Variants in APOOL observed in about 807,000 individuals in gnomAD.
APOOL encodes apolipoprotein O like.
In APOOL, 12 loss-of-function variants were observed where a neutral mutation model predicts 23.1. The observed-to-expected ratio is 0.52, with a 90% CI of 0.33 to 0.84. The LOEUF is 0.84. Among genes scored for constraint, APOOL ranks in the 40% least tolerant of loss-of-function variants. The pLI, the probability that APOOL is intolerant of heterozygous loss-of-function variation, is 0.02. For synonymous variants in APOOL, 77 were observed against 69.9 expected, an observed-to-expected ratio of 1.10 and a Z score of -0.51; for missense variants, 212 against 199.6, an observed-to-expected ratio of 1.06 and a Z score of -0.37.
intron 1 of APOOL, among the ~76,000 whole-genome samples, chrX:85,011,649 G>C (rs1261092758): frequency 8.9e-6 from 1 of 111,778 alleles, no homozygotes; most frequent in Non-Finnish European, 1.9e-5. Flanking sequence ...TCAATTGGCT[G>C]TAAGTATTTG....
chrX:85,081,001 C>G (rs1924075803), intron 8 of APOOL, among the ~76,000 whole-genome samples: 1 of 110,995 alleles, frequency 9.0e-6, no homozygotes, highest in Admixed American at 9.6e-5. Context: ...CATGTGAGAT[C>G]AGTCTCCTGA....
rs1034311789 is a variant in APOOL at position 85,092,625 on chromosome X, T to C, written c.*4947T>C. 23 of 1,014,955 alleles carry C rather than the reference T, an allele frequency of 2.3e-5. No homozygotes were observed. Among genetic ancestry groups the C allele is most frequent in the Non-Finnish European group, 3.1e-5 (23 of 739,231 alleles). The allele number at this position is 1,014,955 out of a possible 1,213,427, so 83.6% of individuals were successfully genotyped here. On this transcript the variant is annotated 3_prime_UTR_variant, in exon 9 of 9. Transcript: ENST00000373173. ...AAAGTATAATCTTCGTTAACACATA[T>C]ATTTTATTGAAGGTCTACTCTATGC...
chrX:85,060,340 A>C (rs1923160790), intron 5 of APOOL, among the ~76,000 whole-genome samples: 1 of 106,510 alleles, frequency 9.4e-6, no homozygotes, highest in Non-Finnish European at 1.9e-5. Flanking sequence ...CTTTTGGCTT[A>C]GGATTGACTT....
intron 5 of APOOL, among the ~76,000 whole-genome samples, chrX:85,062,960 G>C (rs1923292236): frequency 1.8e-5 from 2 of 111,707 alleles, no homozygotes; most frequent in Admixed American, 1.9e-4. Flanking sequence ...GGGCAACATG[G>C]CCATTTTCAC....
chrX:85,077,032 T>TATACAC (rs1923870979), intron 8 of APOOL, among the ~76,000 whole-genome samples: 3 of 94,673 alleles, frequency 3.2e-5, no homozygotes, highest in African/African-American at 1.2e-4. Flanking sequence ...TATATATGTA[T>TATACAC]GTATATATAT....
intron 1 of APOOL, among the ~76,000 whole-genome samples, chrX:85,036,709 T>G (rs966797625): frequency 9.0e-6 from 1 of 111,524 alleles, no homozygotes; most frequent in Non-Finnish European, 1.9e-5. Flanking sequence ...TTTTAAAATT[T>G]TATTTCAATA....
At chrX:85,064,444 G>A (rs1428811928) in intron 5 of APOOL, among the ~76,000 whole-genome samples, 2 of 107,191 alleles carry the variant, frequency 1.9e-5, no homozygotes, top group Non-Finnish European at 3.9e-5. Flanking sequence ...TTGGCTCTTG[G>A]TTCTCTAGTT....
intron 1 of APOOL, among the ~76,000 whole-genome samples, chrX:85,043,568 G>A (rs921149594): frequency 9.0e-5 from 10 of 111,451 alleles, no homozygotes; most frequent in Non-Finnish European, 7.5e-5. Flanking sequence ...TTAGCCCAGA[G>A]TTGTAGCTTG....
At chrX:85,048,795 T>C (rs1922662137) in intron 2 of APOOL, among the ~76,000 whole-genome samples, 1 of 112,169 alleles carries the variant, frequency 8.9e-6, no homozygotes, top group African/African-American at 3.2e-5. Context: ...TTAGTTCAAC[T>C]CTTCTCACTA....
At chrX:85,013,096 A>G (rs1349215397) in intron 1 of APOOL, among the ~76,000 whole-genome samples, 2 of 111,760 alleles carry the variant, frequency 1.8e-5, no homozygotes, top group East Asian at 2.8e-4. Flanking sequence ...GTATCCATCT[A>G]TGCTAGGTTT....
At chrX:85,067,329 T>C (rs1923491933) in intron 6 of APOOL, 111 bp downstream of exon 6, 1 of 493,135 alleles carries the variant, frequency 2.0e-6, no homozygotes, top group South Asian at 5.1e-5. Flanking sequence ...GAGACATAGT[T>C]GGTATCAACT....
intron 1 of APOOL, 88 bp downstream of exon 1, chrX:85,004,015 C>G: frequency 8.9e-7 from 1 of 1,120,309 alleles, no homozygotes; most frequent in Non-Finnish European, 1.2e-6. Flanking sequence ...TCTGAAGGAG[C>G]CCTGAAACAA....
At chrX:85,059,124 G>A (rs1293417650) in intron 5 of APOOL, among the ~76,000 whole-genome samples, 1 of 102,784 alleles carries the variant, frequency 9.7e-6, no homozygotes, top group African/African-American at 3.6e-5. Context: ...GAGAACATGC[G>A]GTGTTTGGTT....
At chrX:85,064,220 C>T (rs151326586) in intron 5 of APOOL, among the ~76,000 whole-genome samples, 1,531 of 109,949 alleles carry the variant, frequency 0.014, 25 homozygotes, top group African/African-American at 0.048. Flanking sequence ...GTCATGGTAT[C>T]TTCCTTATCA....
Position 85,036,416 on chromosome X carries a change from T to G in APOOL, c.16-10030T>G, listed in dbSNP as rs189559348. On this transcript the variant is annotated intron_variant, in intron 1 of 8. Transcript: ENST00000373173. ...GGTTTTCTAGGTATAAGATCATATC[T>G]TCTTTGAAGAGACTTTGTCTTTTCA... is the stretch of plus-strand genomic sequence containing the variant. Among the ~76,000 whole-genome samples the G allele has an allele frequency of 7.1e-3, 800 of 111,966 alleles. 3 individuals carry two copies. The highest frequency in any genetic ancestry group is 0.01 in the South Asian group (28 of 2,697).
rs191270512 is a variant in APOOL, at chrX:85,055,585, G to A, written c.296-242G>A. Among the ~76,000 whole-genome samples the A allele has an allele frequency of 9.9e-5, 11 of 111,491 alleles. No homozygotes were observed. The South Asian group carries it at 1.9e-3, about 19-fold the overall frequency. On this transcript the variant is annotated intron_variant, in intron 4 of 8. Transcript: ENST00000373173. ...ATTACATTTCTTTATAGTAATAACC[G>A]TCAGTATCATTAGGAAAAGAAATAT... is the stretch of plus-strand genomic sequence containing the variant.
At chrX:85,031,261 C>T (rs1190263986) in intron 1 of APOOL, among the ~76,000 whole-genome samples, 1 of 111,535 alleles carries the variant, frequency 9.0e-6, no homozygotes, top group East Asian at 2.8e-4. Flanking sequence ...GGTATATAGG[C>T]ATCTCATAAA....
intron 1 of APOOL, among the ~76,000 whole-genome samples, chrX:85,012,546 A>G (rs1469874758): frequency 2.7e-5 from 3 of 111,389 alleles, no homozygotes; most frequent in Non-Finnish European, 5.7e-5. Flanking sequence ...GAAGGTTTTT[A>G]TCATGAAGGG....
At chrX:85,053,870 A>G (rs1189918006) in intron 3 of APOOL, among the ~76,000 whole-genome samples, 1 of 111,329 alleles carries the variant, frequency 9.0e-6, no homozygotes, top group Non-Finnish European at 1.9e-5. Context: ...TTTTTTTCTC[A>G]TTCTAATGCA....
Sources: allele counts gnomAD v4.1 joint callset (sites outside exome capture counted in the v4.1 genomes callset), GRCh38; gene constraint gnomAD v4.1.1; transcripts MANE v1.5; gene names NCBI Gene and HGNC (gene_info 2026-07-23, HGNC 2026-07-21).